The following NFYC variants were observed in gnomAD, a reference collection of about 807,000 sequenced individuals.
NFYC encodes nuclear transcription factor Y subunit gamma.
Under a neutral mutation model 53.1 loss-of-function variants are expected in NFYC, and 25 were observed. The ratio of observed to expected loss-of-function variants is 0.47; its 90% CI spans 0.34 to 0.66. The LOEUF (loss-of-function observed/expected upper bound fraction) is 0.66, where lower values mean the gene tolerates loss of function less well. NFYC is among the 30% of genes least tolerant of loss of function. The probability of loss-of-function intolerance (pLI) is 0.01; values close to 1 mark genes in which losing one functional copy is unlikely to be tolerated. For missense variants in NFYC, 260 were observed against 422.7 expected (o/e 0.62, Z 3.38); for synonymous variants, 145 against 152.6 (o/e 0.95, Z 0.37).
At chr1:40,703,861 A>G (rs1643564182) in intron 1 of NFYC, among the ~76,000 whole-genome samples, 1 of 152,120 alleles carries the variant, frequency 6.6e-6, no homozygotes, top group Non-Finnish European at 1.5e-5. Context: ...AAGCCTCAAC[A>G]CTCCTGTTAG....
At chr1:40,734,069 CAG>C (rs1644902507) in intron 1 of NFYC, among the ~76,000 whole-genome samples, 1 of 152,082 alleles carries the variant, frequency 6.6e-6, no homozygotes, top group South Asian at 2.1e-4. Flanking sequence ...TTTTTAGAGA[CAG>C]AGTCTCACTG....
chr1:40,728,087 T>A (rs921798997), intron 1 of NFYC, among the ~76,000 whole-genome samples: 1 of 152,008 alleles, frequency 6.6e-6, no homozygotes, highest in African/African-American at 2.4e-5. Context: ...CTAATTTTTG[T>A]GTTTTTAGTA....
chr1:40,769,159 CT>C (rs1336329782), intron 8 of NFYC, 196 bp from the exon 9 acceptor site: 6 of 597,170 alleles, frequency 1.0e-5, no homozygotes, highest in Non-Finnish European at 1.8e-5. Flanking sequence ...CTCGATGTCA[CT>C]TTGTGCTGCC....
Position 40,733,008 on chromosome 1 carries a change from G to GCC in NFYC, c.-8-5818_-8-5817dup, listed in dbSNP as rs749788691. ...GTCAGGGCCAAGCTTTCCAAGATTC[G>GCC]CCCCCCCCCCCTTTTTTTTTTTTCC... On this transcript the variant is annotated intron_variant, in intron 1 of 9. Transcript: ENST00000447388. Among the ~76,000 whole-genome samples the GCC allele has an allele frequency of 5.5e-3, 294 of 53,316 alleles. 4 individuals are homozygous for GCC. Among genetic ancestry groups the GCC allele is most frequent in the African/African-American group, 0.012 (175 of 14,170 alleles). 35.0% of individuals were successfully genotyped at this position (53,316 alleles called of 152,430 possible). A position where few individuals can be genotyped will look rare whatever the true frequency, so the allele number is the denominator to read the frequency against.
At chr1:40,747,301 A>AG (rs1645664640) in intron 2 of NFYC, among the ~76,000 whole-genome samples, 1 of 150,816 alleles carries the variant, frequency 6.6e-6, no homozygotes, top group Non-Finnish European at 1.5e-5. Context: ...GCACTGTTAG[A>AG]GGCCATCCTA....
intron 2 of NFYC, among the ~76,000 whole-genome samples, chr1:40,741,088 C>T (rs1198812058): frequency 6.6e-6 from 1 of 152,100 alleles, no homozygotes; most frequent in Non-Finnish European, 1.5e-5. Context: ...AATAAACAGC[C>T]ACCATTCTGC....
At chr1:40,701,077 A>G (rs1643411519) in intron 1 of NFYC, among the ~76,000 whole-genome samples, 1 of 152,162 alleles carries the variant, frequency 6.6e-6, no homozygotes, top group Non-Finnish European at 1.5e-5. Flanking sequence ...GTTTTAGTAT[A>G]TTAGCTTTGT....
intron 1 of NFYC, chr1:40,735,641 T>C: frequency 1.0e-6 from 1 of 985,462 alleles, no homozygotes; most frequent in African/African-American, 1.7e-5. Context: ...CATTAGCAAG[T>C]GTACAGAGAT....
intron 1 of NFYC, among the ~76,000 whole-genome samples, chr1:40,700,391 G>T (rs1220813291): frequency 6.6e-6 from 1 of 152,108 alleles, no homozygotes; most frequent in East Asian, 1.9e-4. Flanking sequence ...GCCCACGCTG[G>T]AGTGAGGTGG....
intron 1 of NFYC, chr1:40,709,212 A>T (rs1400755875): frequency 6.6e-6 from 1 of 152,240 alleles, no homozygotes; most frequent in Non-Finnish European, 1.5e-5. Flanking sequence ...CAAAAGAGGT[A>T]ACTGATGACG....
At chr1:40,765,786 G>T (rs1394993518) in intron 7 of NFYC, among the ~76,000 whole-genome samples, 1 of 152,166 alleles carries the variant, frequency 6.6e-6, no homozygotes, top group Non-Finnish European at 1.5e-5. Context: ...TTCATCCCCA[G>T]CTCAAAACAC....
At chr1:40,739,257 A>G (rs1645213550) in intron 2 of NFYC, among the ~76,000 whole-genome samples, 1 of 152,230 alleles carries the variant, frequency 6.6e-6, no homozygotes, top group Admixed American at 6.5e-5. Context: ...ATCTTCCTTC[A>G]GTAGCTGTAG....
At chr1:40,700,867 C>T (rs78457880) in intron 1 of NFYC, among the ~76,000 whole-genome samples, 121 of 152,232 alleles carry the variant, frequency 7.9e-4, no homozygotes, top group African/African-American at 2.9e-3. Flanking sequence ...CTGTTTTCCA[C>T]GTTAGTGGTC....
At position 40,765,059 on chromosome 1, in the gene NFYC, G is replaced by A. The variant is rs2148790069; in HGVS notation, c.721-1537G>A. Among the ~76,000 whole-genome samples the A allele has an allele frequency of 2.0e-5, 3 of 152,280 alleles. No individual in the cohort carries two copies. The South Asian group carries it at 6.2e-4, about 32-fold the overall frequency. On this transcript the variant is annotated intron_variant, in intron 7 of 9. Coordinates refer to ENST00000447388, the MANE Select transcript of NFYC (RefSeq NM_014223.5). ...TGTGATCCCTGGCTGGAGTTCTGGG[G>A]ACTCCTGGAACTAGCCACCATCAGT...
intron 1 of NFYC, among the ~76,000 whole-genome samples, chr1:40,716,091 C>G (rs903491059): frequency 6.6e-6 from 1 of 152,186 alleles, no homozygotes; most frequent in Non-Finnish European, 1.5e-5. Flanking sequence ...CAAGGAAATG[C>G]TAAAGTTGGA....
At chr1:40,727,572 C>G (rs1397045639) in intron 1 of NFYC, among the ~76,000 whole-genome samples, 2 of 150,262 alleles carry the variant, frequency 1.3e-5, no homozygotes, top group South Asian at 2.1e-4. Flanking sequence ...GCTCTGTCGC[C>G]CAGGCTGGAG....
chr1:40,745,455 T>C (rs1010599565), intron 2 of NFYC, among the ~76,000 whole-genome samples: 12 of 152,172 alleles, frequency 7.9e-5, no homozygotes, highest in Non-Finnish European at 1.2e-4. Flanking sequence ...CAGTGGTTGA[T>C]TTCTGGGATT....
intron 1 of NFYC, among the ~76,000 whole-genome samples, chr1:40,705,823 T>C (rs1643667618): frequency 6.6e-6 from 1 of 152,142 alleles, no homozygotes; most frequent in African/African-American, 2.4e-5. Flanking sequence ...CACGGCTCAT[T>C]GCAGCCTTGA....
chr1:40,712,734 C>T (rs1053441953), intron 1 of NFYC: 2 of 145,838 alleles, frequency 1.4e-5, no homozygotes, highest in African/African-American at 2.5e-5. Context: ...GCTGGAGTGC[C>T]GTGGCATGAT....
Sources: allele counts gnomAD v4.1 joint callset (sites outside exome capture counted in the v4.1 genomes callset), GRCh38; gene constraint gnomAD v4.1.1; transcripts MANE v1.5; gene names NCBI Gene and HGNC (gene_info 2026-07-23, HGNC 2026-07-21).